Variants in ME1 observed in about 807,000 individuals in gnomAD.
The protein encoded by ME1 is malic enzyme 1, also known as NADP-dependent malic enzyme.
In ME1, 74 loss-of-function variants were observed where a neutral mutation model predicts 66.4. That is an observed-to-expected ratio of 1.11 (90% CI 0.92 to 1.35). ME1 has a LOEUF of 1.35. Ranked by LOEUF, ME1 falls within the 40% of genes most tolerant of loss-of-function variation. ME1 has a pLI of 0.00. For synonymous variants in ME1, 251 were observed against 235.6 expected (o/e 1.07, Z -0.60); for missense variants, 750 against 694.1 (o/e 1.08, Z -0.90).
At chr6:83,393,783 C>A (rs1769677714) in intron 3 of ME1, among the ~76,000 whole-genome samples, 1 of 152,014 alleles carries the variant, frequency 6.6e-6, no homozygotes, top group Non-Finnish European at 1.5e-5. Context: ...TATTAAGATT[C>A]TTTATATAGA....
At chr6:83,411,321 GC>G (rs1262982700) in intron 1 of ME1, among the ~76,000 whole-genome samples, 1 of 151,460 alleles carries the variant, frequency 6.6e-6, no homozygotes, top group Non-Finnish European at 1.5e-5. Flanking sequence ...CCGAGATTGC[GC>G]CACTGCACTC....
chr6:83,342,631 T>A (rs1358576263), intron 5 of ME1, among the ~76,000 whole-genome samples: 2 of 152,216 alleles, frequency 1.3e-5, no homozygotes, highest in African/African-American at 2.4e-5. Flanking sequence ...GTTACATGCA[T>A]GGAACGTGTA....
intron 6 of ME1, among the ~76,000 whole-genome samples, chr6:83,283,231 A>G (rs1767337911): frequency 7.3e-6 from 1 of 137,572 alleles, no homozygotes; most frequent in Non-Finnish European, 1.6e-5. Flanking sequence ...CCGTCTCAAA[A>G]AAAAAAAAAA....
intron 4 of ME1, among the ~76,000 whole-genome samples, chr6:83,347,154 A>G (rs1768703520): frequency 6.6e-6 from 1 of 151,942 alleles, no homozygotes; most frequent in African/African-American, 2.4e-5. Context: ...GGGTTTCACC[A>G]TGTTAGCCAG....
chr6:83,363,213 G>C (rs922983239), intron 3 of ME1, among the ~76,000 whole-genome samples: 19 of 152,072 alleles, frequency 1.2e-4, no homozygotes, highest in Admixed American at 2.0e-4. Context: ...CTGGCCTAGA[G>C]GTCTTAGTTC....
intron 1 of ME1, among the ~76,000 whole-genome samples, chr6:83,424,155 T>C (rs1353624791): frequency 1.3e-5 from 2 of 151,796 alleles, no homozygotes; most frequent in East Asian, 3.8e-4. Context: ...AATATTTGTG[T>C]AATACATATA....
At chr6:83,253,035 C>A (rs967097083) in intron 7 of ME1, among the ~76,000 whole-genome samples, 2 of 152,174 alleles carry the variant, frequency 1.3e-5, no homozygotes, top group Non-Finnish European at 2.9e-5. Flanking sequence ...CTCCTCAGCT[C>A]ATCTACCTGT....
chr6:83,393,608 C>CAAAAAAA (rs11394593), intron 3 of ME1, among the ~76,000 whole-genome samples: 1 of 109,690 alleles, frequency 9.1e-6, no homozygotes. Context: ...CTGTGCTTGC[C>CAAAAAAA]AAAAAAAAAA....
intron 6 of ME1, among the ~76,000 whole-genome samples, chr6:83,279,624 T>A (rs1767252903): frequency 6.6e-6 from 1 of 151,454 alleles, no homozygotes; most frequent in Non-Finnish European, 1.5e-5. Context: ...GAGAAAAAAA[T>A]AACAGAATAG....
At chr6:83,325,951 A>AAC (rs201391278) in intron 5 of ME1, among the ~76,000 whole-genome samples, 113 of 150,872 alleles carry the variant, frequency 7.5e-4, no homozygotes, top group African/African-American at 2.6e-3. Flanking sequence ...AAGCAAACAA[A>AAC]AAAAAAAAAA....
intron 3 of ME1, among the ~76,000 whole-genome samples, chr6:83,381,170 C>T (rs951935441): frequency 6.6e-6 from 1 of 151,986 alleles, no homozygotes; most frequent in Non-Finnish European, 1.5e-5. Context: ...AGAATTATAG[C>T]ACTCCACCCC....
At chr6:83,299,427 T>G (rs1583365760) in intron 6 of ME1, among the ~76,000 whole-genome samples, 1 of 151,882 alleles carries the variant, frequency 6.6e-6, no homozygotes. Context: ...ATAGGAATGC[T>G]TGTGAATTTT....
rs550030331 is a variant in ME1 at position 83,360,786 on chromosome 6, C to T, written c.363-8647G>A. Among the ~76,000 whole-genome samples, 6 of 152,326 alleles carry T rather than the reference C, an allele frequency of 3.9e-5. No individual in the cohort carries two copies. The South Asian group carries it at 1.2e-3, about 32-fold the overall frequency. On this transcript the variant is annotated intron_variant, in intron 3 of 13. Transcript: ENST00000369705. ...AAGACAGACAGATCATAGAGAATGA[C>T]AGTAGATTATTGTAAGCTTAACCAA...
At chr6:83,253,801 T>A (rs963827738) in intron 6 of ME1, 63 bp from the exon 7 acceptor site, 5 of 824,622 alleles carry the variant, frequency 6.1e-6, no homozygotes, top group Non-Finnish European at 1.0e-5. Context: ...AATAAACTTT[T>A]AAAATTAGCC....
intron 3 of ME1, among the ~76,000 whole-genome samples, 199 bp downstream of exon 3, chr6:83,398,168 T>A (rs186908362): frequency 1.1e-3 from 167 of 152,322 alleles, no homozygotes; most frequent in African/African-American, 3.7e-3. Context: ...ATGATATGAA[T>A]GTGAAATAAT....
intron 6 of ME1, among the ~76,000 whole-genome samples, chr6:83,307,417 T>C (rs1767844967): frequency 6.6e-6 from 1 of 152,158 alleles, no homozygotes; most frequent in Non-Finnish European, 1.5e-5. Flanking sequence ...ACAGACATTC[T>C]TTGCATTTTA....
intron 5 of ME1, among the ~76,000 whole-genome samples, chr6:83,323,427 C>A (rs1392310456): frequency 4.0e-5 from 6 of 151,784 alleles, no homozygotes; most frequent in Non-Finnish European, 8.8e-5. Flanking sequence ...TGCAAAGACA[C>A]ACATAGGCTC....
At chr6:83,404,533 T>C (rs1769900069) in intron 2 of ME1, among the ~76,000 whole-genome samples, 1 of 152,242 alleles carries the variant, frequency 6.6e-6, no homozygotes, top group Non-Finnish European at 1.5e-5. Context: ...TTGTGAATTT[T>C]GGCTTTTGTT....
At chr6:83,400,591 C>T (rs1350729466) in intron 2 of ME1, among the ~76,000 whole-genome samples, 2 of 152,148 alleles carry the variant, frequency 1.3e-5, no homozygotes, top group Non-Finnish European at 2.9e-5. Flanking sequence ...ACCTTTATTG[C>T]TACCACCCTA....
Sources: gnomAD v4.1 joint callset for allele counts (sites outside exome capture counted in the v4.1 genomes callset) on GRCh38, gnomAD v4.1.1 for gene constraint, MANE v1.5 for transcripts, NCBI Gene and HGNC (gene_info 2026-07-23, HGNC 2026-07-21) for gene names.